ZZEF1: variants seen among roughly 807,000 people sequenced by gnomAD.
ZZEF1 encodes zinc finger ZZ-type and EF-hand domain containing 1, also known as zinc finger ZZ-type and EF-hand domain-containing protein 1.
Under a neutral mutation model 342.8 loss-of-function variants are expected in ZZEF1, and 157 were observed. The observed-to-expected ratio is 0.46, with a 90% CI of 0.40 to 0.52. ZZEF1 has a LOEUF of 0.52. Ranked by LOEUF, ZZEF1 falls within the 20% of genes least tolerant of loss-of-function variation. ZZEF1 has a pLI of 0.00. For synonymous variants in ZZEF1, 1,505 were observed against 1,429.1 expected (o/e 1.05, Z -1.20); for missense variants, 3,480 against 3,725.6 (o/e 0.93, Z 1.72).
At chr17:4,066,726 G>T (rs182375209) in intron 27 of ZZEF1, among the ~76,000 whole-genome samples, 186 bp from the exon 28 acceptor site, 2 of 152,180 alleles carry the variant, frequency 1.3e-5, no homozygotes, top group Admixed American at 1.3e-4. Context: ...GTGCTGCAGG[G>T]GGCTTTCTCT....
Position 4,090,727 on chromosome 17 carries a change from C to T in ZZEF1, c.2017G>A (p.Val673Ile). 1 of 1,613,966 alleles carries T rather than the reference C, an allele frequency of 6.2e-7. No individual in the cohort carries two copies. Among genetic ancestry groups the T allele is most frequent in the Non-Finnish European group, 8.5e-7 (1 of 1,179,924 alleles). The change falls in exon 12 of 55, where the codon GTT becomes ATT. Residue 673 changes from valine (V) to isoleucine (I), a missense_variant. Physicochemically the swap from Val to Ile is conservative, Grantham distance 29. This residue lies in a region of ZZEF1 where 1,528 missense variants were observed against 1,624.1 expected (regional missense o/e 0.94). Transcript: ENST00000381638. ...GACGCACTAATGCTTACTTTGGCAA[C>T]TCTGCACTGTTGCAGCTTCACATCT... The part of the protein sequence containing the change: ...EADVKLQQCR[V>I]AKYLMVKFLC...
In ZZEF1 at chr17:4,095,997, G is replaced by A; in HGVS notation, c.1765-18C>T. On this transcript the variant is annotated intron_variant, in intron 10 of 54. Coordinates refer to ENST00000381638, the MANE Select transcript of ZZEF1 (RefSeq NM_015113.4). ...CGTCGAACCTGGAAACAGAGATTAGGATGAAGTCTATCAAAGGGGCAAAAG... is the reference window on the plus strand; with the variant it reads ...CGTCGAACCTGGAAACAGAGATTAGAATGAAGTCTATCAAAGGGGCAAAAG... 6.3e-7 allele frequency: 1 copy of A among 1,591,194 alleles called. No individual in the cohort carries two copies. Among genetic ancestry groups the A allele is most frequent in the Non-Finnish European group, 8.6e-7 (1 of 1,165,906 alleles).
chr17:4,056,792 G>C (rs1220132332), intron 32 of ZZEF1: 1 of 152,162 alleles, frequency 6.6e-6, no homozygotes, highest in Non-Finnish European at 1.5e-5. Flanking sequence ...GCTGCTGTGA[G>C]ACCTTGACAC....
intron 26 of ZZEF1, among the ~76,000 whole-genome samples, chr17:4,069,586 T>C (rs2057468998): frequency 1.3e-5 from 2 of 152,124 alleles, no homozygotes; most frequent in Admixed American, 6.5e-5. Context: ...ATCCCAGCAC[T>C]TTGGGAGGCT....
In ZZEF1 at chr17:4,006,955, C is replaced by A; in HGVS notation, c.8821G>T (p.Ala2941Ser). ...RCAAQALQNI[A>S]AISLAINYPN... ...TAGTTGATGGCCAGGCTGATGGCAG[C>A]AATGTTCTGCAGAGCCTGTAGAGGG... Residue 2941 changes from alanine (A) to serine (S), a missense_variant, in exon 55 of 55, where the codon GCT becomes TCT. This residue lies in a region of ZZEF1 where 1,269 missense variants were observed against 1,342.4 expected (regional missense o/e 0.95). Coordinates refer to ENST00000381638, the MANE Select transcript of ZZEF1 (RefSeq NM_015113.4). 1 of 1,582,834 alleles carries A rather than the reference C, an allele frequency of 6.3e-7. No homozygotes were observed. The highest frequency in any genetic ancestry group is 8.6e-7 in the Non-Finnish European group (1 of 1,162,906).
At chr17:4,129,682 C>T (rs952795924) in intron 1 of ZZEF1, among the ~76,000 whole-genome samples, 3 of 151,992 alleles carry the variant, frequency 2.0e-5, no homozygotes, top group African/African-American at 4.8e-5. Flanking sequence ...ACTAAAAATA[C>T]AAAAATGAGC....
At chr17:4,101,860 C>T (rs1692397608) in intron 9 of ZZEF1, among the ~76,000 whole-genome samples, 1 of 151,988 alleles carries the variant, frequency 6.6e-6, no homozygotes, top group Non-Finnish European at 1.5e-5. Context: ...GAACTCCTGG[C>T]CTCAAGTGAT....
intron 36 of ZZEF1, among the ~76,000 whole-genome samples, chr17:4,050,125 A>G (rs1445879836): frequency 1.3e-5 from 2 of 152,212 alleles, no homozygotes; most frequent in African/African-American, 4.8e-5. Context: ...AGGATTGTCT[A>G]TTTAGAAAAT....
chr17:4,102,691 T>C (rs1239247416), intron 8 of ZZEF1, among the ~76,000 whole-genome samples: 1 of 152,194 alleles, frequency 6.6e-6, no homozygotes, highest in Non-Finnish European at 1.5e-5. Flanking sequence ...TTATAAGACA[T>C]AGGTTGATAA....
chr17:4,059,109 T>C, intron 31 of ZZEF1, 62 bp downstream of exon 31: 1 of 1,406,386 alleles, frequency 7.1e-7, no homozygotes, highest in Non-Finnish European at 9.4e-7. Context: ...GAACATATAT[T>C]TCTTTTATAA....
Position 4,083,222 on chromosome 17 carries a change from T to C in ZZEF1, c.2647-718A>G, listed in dbSNP as rs577360658. Among the ~76,000 whole-genome samples the C allele has an allele frequency of 8.3e-4, 126 of 152,350 alleles. 1 individual carries two copies. Among genetic ancestry groups the C allele is most frequent in the African/African-American group, 3.0e-3 (123 of 41,578 alleles). The stretch of plus-strand genomic sequence containing the variant: ...AAGGTTGGCAGTGCTATTTAACTTC[T>C]CAGCATGAGAAGACACCAATGTCAT... On this transcript the variant is annotated intron_variant, in intron 16 of 54. Coordinates refer to ENST00000381638, the MANE Select transcript of ZZEF1 (RefSeq NM_015113.4).
chr17:4,059,256 G>C lies in ZZEF1; in HGVS notation c.4918C>G (p.Leu1640Val), dbSNP rs766260957. Residue 1640 changes from leucine to valine, a missense_variant, in exon 31 of 55, where the codon CTA becomes GTA. Physicochemically the swap from Leu to Val is conservative, Grantham distance 32. Transcript: ENST00000381638. ...TAAGTGTCTCGAATTTCTTTGTGTAGATCAGCACCACAGCCTTCCAGGTGT... is the reference window on the plus strand; with the variant it reads ...TAAGTGTCTCGAATTTCTTTGTGTACATCAGCACCACAGCCTTCCAGGTGT... ...FGHLEGCGAD[L>V]HKEIRDTYYQ... 2.3e-5 allele frequency: 37 copies of C among 1,606,660 alleles called. No homozygotes were observed. Among genetic ancestry groups the C allele is most frequent in the Non-Finnish European group, 3.1e-5 (37 of 1,178,748 alleles).
chr17:4,031,613 T>C (rs967923790), intron 42 of ZZEF1, among the ~76,000 whole-genome samples: 2 of 152,192 alleles, frequency 1.3e-5, no homozygotes, highest in Non-Finnish European at 1.5e-5. Context: ...AAAATGCAGA[T>C]GGCTTCACGA....
At chr17:4,028,964 G>C (rs1379584244) in intron 42 of ZZEF1, among the ~76,000 whole-genome samples, 3 of 152,170 alleles carry the variant, frequency 2.0e-5, no homozygotes, top group East Asian at 3.8e-4. Context: ...AATATCATTA[G>C]GGATAAAAAA....
intron 2 of ZZEF1, among the ~76,000 whole-genome samples, chr17:4,120,306 G>A (rs904391409): frequency 6.6e-6 from 1 of 151,678 alleles, no homozygotes; most frequent in Admixed American, 6.6e-5. Flanking sequence ...GCAGCGAGCC[G>A]AGACTGCGCC....
chr17:4,044,666 G>A (rs1191268274), intron 37 of ZZEF1, among the ~76,000 whole-genome samples: 1 of 151,728 alleles, frequency 6.6e-6, no homozygotes, highest in African/African-American at 2.4e-5. Context: ...CTACAGGTGC[G>A]TGCCACCATG....
intron 1 of ZZEF1, among the ~76,000 whole-genome samples, chr17:4,125,839 G>A (rs992402902): frequency 4.6e-5 from 7 of 152,162 alleles, no homozygotes; most frequent in African/African-American, 1.7e-4. Context: ...TAATGGGAAG[G>A]AGGGAAGCAG....
At chr17:4,086,790 G>C in intron 14 of ZZEF1, 135 bp from the exon 15 acceptor site, 1 of 783,528 alleles carries the variant, frequency 1.3e-6, no homozygotes, top group Non-Finnish European at 2.0e-6. Flanking sequence ...TGCAAACTGA[G>C]AGGAAGAAGG....
rs548125774 is a variant in ZZEF1, at chr17:4,057,454, C to T, written c.5165+540G>A. 9.3e-4 allele frequency among the ~76,000 whole-genome samples: 141 copies of T among 152,148 alleles called. 1 individual carries two copies. Among genetic ancestry groups the T allele is most frequent in the East Asian group, 1.7e-3 (9 of 5,188 alleles). On this transcript the variant is annotated intron_variant, in intron 32 of 54. Coordinates refer to ENST00000381638, the MANE Select transcript of ZZEF1 (RefSeq NM_015113.4). Reference sequence around the variant, plus strand: ...CCTCTTTTCTACACATGAATGGCCACGAATAGGGAAGTGGATTTGAGTAGA... The same window carrying T: ...CCTCTTTTCTACACATGAATGGCCATGAATAGGGAAGTGGATTTGAGTAGA...
Sources: gnomAD v4.1 joint callset for allele counts (sites outside exome capture counted in the v4.1 genomes callset) on GRCh38, gnomAD v4.1.1 for gene constraint, gnomAD v4.1.1 regional missense constraint, MANE v1.5 for transcripts, NCBI Gene and HGNC (gene_info 2026-07-23, HGNC 2026-07-21) for gene names.